Variants in ARHGAP21 observed in about 807,000 individuals in gnomAD.
ARHGAP21 encodes rho GTPase-activating protein 21.
ARHGAP21 carries 38 observed loss-of-function variants against 164.6 expected under a neutral mutation model. The observed-to-expected ratio is 0.23, with a 90% CI of 0.18 to 0.30. The LOEUF is 0.30. Ranked by LOEUF, ARHGAP21 falls within the 10% of genes least tolerant of loss-of-function variation. ARHGAP21 has a pLI of 1.00. For missense variants in ARHGAP21, 1,822 were observed against 2,370.7 expected (o/e 0.77, Z 4.81); for synonymous variants, 766 against 857.9 (o/e 0.89, Z 1.87).
chr10:24,604,386 G>T, intron 11 of ARHGAP21, 38 bp from the exon 12 acceptor site: 1 of 1,438,532 alleles, frequency 7.0e-7, no homozygotes, highest in Non-Finnish European at 9.5e-7. Flanking sequence ...TTCAATTAGT[G>T]CAAAAAAAAT....
chr10:24,643,481 T>C (rs953387851), intron 4 of ARHGAP21, among the ~76,000 whole-genome samples: 14 of 152,186 alleles, frequency 9.2e-5, no homozygotes, highest in African/African-American at 2.9e-4. Context: ...CCTTTAGCCT[T>C]CTCCATTCTT....
intron 4 of ARHGAP21, among the ~76,000 whole-genome samples, chr10:24,658,832 T>G (rs1839373840): frequency 6.6e-6 from 1 of 151,682 alleles, no homozygotes; most frequent in Non-Finnish European, 1.5e-5. Context: ...AAAAAATACT[T>G]ATACCTCAAC....
At chr10:24,615,446 G>T (rs761353369) in intron 9 of ARHGAP21, among the ~76,000 whole-genome samples, 1 of 152,182 alleles carries the variant, frequency 6.6e-6, no homozygotes, top group South Asian at 2.1e-4. Flanking sequence ...GGGAAGAGAT[G>T]CCAATTCAAA....
chr10:24,617,427 A>C (rs1834063584), intron 9 of ARHGAP21, among the ~76,000 whole-genome samples: 1 of 152,182 alleles, frequency 6.6e-6, no homozygotes, highest in Admixed American at 6.5e-5. Context: ...TTAAAACTTC[A>C]TAAAACAATC....
intron 1 of ARHGAP21, chr10:24,722,524 T>A (rs1452258006): frequency 1.3e-5 from 2 of 154,250 alleles, no homozygotes; most frequent in African/African-American, 4.8e-5. Context: ...ATGTTCCCCA[T>A]TCAAGTGCAT....
In ARHGAP21 at chr10:24,621,240, C is replaced by G; in HGVS notation, c.655G>C (p.Glu219Gln). The change falls in exon 9 of 26, where the codon GAA (glutamate) becomes CAA (glutamine). Residue 219 changes from glutamate (E) to glutamine (Q), a missense_variant. This residue lies in a region of ARHGAP21 where 1,090 missense variants were observed against 1,378.9 expected (regional missense o/e 0.79). Coordinates refer to ENST00000396432, the MANE Select transcript of ARHGAP21 (RefSeq NM_020824.4). Reference protein sequence around the residue: ...SAPSAMAQPVEISPPDSSLSK... With the variant: ...SAPSAMAQPVQISPPDSSLSK... Reference sequence around the variant, plus strand: ...AATGATGAGTCAGGAGGAGATATTTCAACTGGCTGTGCCATGGCTGATGGG... The same window carrying G: ...AATGATGAGTCAGGAGGAGATATTTGAACTGGCTGTGCCATGGCTGATGGG... The G allele has an allele frequency of 6.2e-7, 1 of 1,613,894 alleles. No individual in the cohort carries two copies. The highest frequency in any genetic ancestry group is 8.5e-7 in the Non-Finnish European group (1 of 1,179,860).
intron 2 of ARHGAP21, among the ~76,000 whole-genome samples, chr10:24,699,088 C>T (rs1843417935): frequency 6.6e-6 from 1 of 152,156 alleles, no homozygotes; most frequent in Admixed American, 6.5e-5. Flanking sequence ...TTAGCTTTCT[C>T]TTCAATCTTT....
At chr10:24,622,144 T>C (rs142668374) in intron 8 of ARHGAP21, among the ~76,000 whole-genome samples, 1 of 152,192 alleles carries the variant, frequency 6.6e-6, no homozygotes, top group East Asian at 1.9e-4. Flanking sequence ...GCCTAAATAG[T>C]TTTTTATCAA....
intron 2 of ARHGAP21, among the ~76,000 whole-genome samples, chr10:24,672,576 A>G (rs918630311): frequency 1.3e-5 from 2 of 152,200 alleles, no homozygotes; most frequent in Admixed American, 1.3e-4. Flanking sequence ...TAAACTTAAC[A>G]TGTCTGCATA....
At chr10:24,646,207 C>T (rs1837554258) in intron 4 of ARHGAP21, among the ~76,000 whole-genome samples, 1 of 152,114 alleles carries the variant, frequency 6.6e-6, no homozygotes, top group African/African-American at 2.4e-5. Flanking sequence ...TAAATCTTTA[C>T]TACATGGATT....
rs2076057794 is a variant in ARHGAP21, at chr10:24,585,359, A to G, written c.4930T>C (p.Phe1644Leu). The change falls in exon 26 of 26, where the codon TTC becomes CTC. Residue 1644 changes from phenylalanine (F) to leucine (L), a missense_variant. Phe to Leu is a conservative substitution (Grantham distance 22). Coordinates refer to ENST00000396432, the MANE Select transcript of ARHGAP21 (RefSeq NM_020824.4). ...CTCTCTGAAGTCAAGGCTGTGGGGA[A>G]CACGGGAAACTCGCTCTCGCTGTCG... ...ETDSESEFPV[F>L]PTALTSERLF... 1 of 1,613,588 alleles carries G rather than the reference A, an allele frequency of 6.2e-7. No homozygotes were observed. Among genetic ancestry groups the G allele is most frequent in the East Asian group, 2.2e-5 (1 of 44,876 alleles).
intron 2 of ARHGAP21, among the ~76,000 whole-genome samples, chr10:24,703,928 AT>A (rs1206910338): frequency 2.0e-5 from 3 of 152,220 alleles, no homozygotes; most frequent in African/African-American, 7.2e-5. Context: ...CAGCAGATGT[AT>A]TTTGCTTAGA....
intron 2 of ARHGAP21, among the ~76,000 whole-genome samples, chr10:24,677,612 A>C (rs776156568): frequency 7.9e-5 from 12 of 152,212 alleles, no homozygotes; most frequent in Non-Finnish European, 1.3e-4. Flanking sequence ...TGAGAGACTC[A>C]AGCTAAGCCC....
chr10:24,598,263 A>G (rs1241720905), intron 14 of ARHGAP21, among the ~76,000 whole-genome samples: 3 of 152,206 alleles, frequency 2.0e-5, no homozygotes, highest in Non-Finnish European at 4.4e-5. Flanking sequence ...AGCAAGTAAC[A>G]TGTGTTCAAT....
chr10:24,698,525 T>C (rs1843373770), intron 2 of ARHGAP21, among the ~76,000 whole-genome samples: 2 of 152,186 alleles, frequency 1.3e-5, no homozygotes, highest in African/African-American at 4.8e-5. Context: ...GGGTCGGCCA[T>C]CCATTCATCC....
At chr10:24,587,705 G>A (rs999279583) in intron 25 of ARHGAP21, among the ~76,000 whole-genome samples, 4 of 152,154 alleles carry the variant, frequency 2.6e-5, no homozygotes, top group Admixed American at 6.5e-5. Flanking sequence ...TGCTGGGTAC[G>A]AGCAAGGGAT....
chr10:24,688,667 T>C (rs184018004), intron 2 of ARHGAP21, among the ~76,000 whole-genome samples: 1 of 152,240 alleles, frequency 6.6e-6, no homozygotes, highest in Non-Finnish European at 1.5e-5. Flanking sequence ...CAGTCTCATA[T>C]CAGACGTGAA....
At chr10:24,586,317 G>A (rs1020471486) in intron 25 of ARHGAP21, among the ~76,000 whole-genome samples, 2 of 152,018 alleles carry the variant, frequency 1.3e-5, no homozygotes, top group South Asian at 2.1e-4. Flanking sequence ...TTGCCTCGTG[G>A]TATTTAACTG....
At chr10:24,701,129 G>C (rs143999703) in intron 2 of ARHGAP21, among the ~76,000 whole-genome samples, 1 of 152,120 alleles carries the variant, frequency 6.6e-6, no homozygotes, top group Non-Finnish European at 1.5e-5. Flanking sequence ...AAAACAGGAG[G>C]AGCGGAGGAG....
Sources: allele counts gnomAD v4.1 joint callset (sites outside exome capture counted in the v4.1 genomes callset), GRCh38; gene constraint gnomAD v4.1.1; regional missense constraint gnomAD v4.1.1; transcripts MANE v1.5; gene names NCBI Gene and HGNC (gene_info 2026-07-23, HGNC 2026-07-21).